The following DTWD2 variants were observed in gnomAD, a reference collection of about 807,000 sequenced individuals.
DTWD2 encodes the protein DTW motif tRNA-uridine aminocarboxypropyltransferase 2.
In DTWD2, 39 loss-of-function variants were observed where a neutral mutation model predicts 31.8. That is an observed-to-expected ratio of 1.22 (90% CI 0.95 to 1.60). DTWD2 has a LOEUF of 1.60. DTWD2 is among the 40% of genes most tolerant of loss of function. The pLI is 0.00. For missense variants in DTWD2, 515 were observed against 381.5 expected (o/e 1.35, Z -2.92); for synonymous variants, 180 against 142.8 (o/e 1.26, Z -1.86).
chr5:118,955,546 T>A (rs1049279545), intron 1 of DTWD2, among the ~76,000 whole-genome samples: 1 of 152,236 alleles, frequency 6.6e-6, no homozygotes, highest in African/African-American at 2.4e-5. Context: ...ACTGCATACC[T>A]AAGTGCCAGA....
At chr5:118,873,141 G>C (rs1196742419) in intron 4 of DTWD2, among the ~76,000 whole-genome samples, 2 of 152,208 alleles carry the variant, frequency 1.3e-5, no homozygotes, top group African/African-American at 2.4e-5. Flanking sequence ...TGGACACTGA[G>C]GTAGCAGGAA....
intron 3 of DTWD2, among the ~76,000 whole-genome samples, chr5:118,934,774 C>A (rs1754000229): frequency 6.6e-6 from 1 of 152,136 alleles, no homozygotes; most frequent in African/African-American, 2.4e-5. Flanking sequence ...CCCAATTAAA[C>A]AACAGAGATT....
chr5:118,868,989 T>C (rs1291198141), intron 4 of DTWD2, among the ~76,000 whole-genome samples: 1 of 151,974 alleles, frequency 6.6e-6, no homozygotes, highest in Non-Finnish European at 1.5e-5. Context: ...ATGAGGTAAC[T>C]AGAGGAGTCA....
At chr5:118,934,483 T>C (rs1431693807) in intron 3 of DTWD2, among the ~76,000 whole-genome samples, 2 of 151,930 alleles carry the variant, frequency 1.3e-5, no homozygotes, top group Admixed American at 6.6e-5. Flanking sequence ...TCTTATGTTA[T>C]ATATTTAATG....
chr5:118,911,008 G>C (rs1008817041), intron 4 of DTWD2, among the ~76,000 whole-genome samples: 100 of 152,208 alleles, frequency 6.6e-4, no homozygotes, highest in African/African-American at 2.2e-3. Context: ...CATCACCTTC[G>C]GGGGTTAGGT....
At chr5:118,945,989 A>G (rs1033401237) in intron 1 of DTWD2, among the ~76,000 whole-genome samples, 1 of 152,196 alleles carries the variant, frequency 6.6e-6, no homozygotes, top group African/African-American at 2.4e-5. Flanking sequence ...TTATTGTGGA[A>G]TTTTAGACTG....
chr5:118,895,806 T>C (rs568002059), intron 4 of DTWD2, among the ~76,000 whole-genome samples: 3 of 152,232 alleles, frequency 2.0e-5, no homozygotes, highest in Non-Finnish European at 4.4e-5. Flanking sequence ...AAACTGGATA[T>C]CCACATGCAG....
At chr5:118,847,014 C>A (rs1185481686) in intron 5 of DTWD2, among the ~76,000 whole-genome samples, 1 of 151,692 alleles carries the variant, frequency 6.6e-6, no homozygotes, top group African/African-American at 2.4e-5. Flanking sequence ...GTCTCCAACT[C>A]TGACATATTC....
intron 4 of DTWD2, among the ~76,000 whole-genome samples, chr5:118,903,381 C>T (rs1353789158): frequency 6.6e-6 from 1 of 152,040 alleles, no homozygotes; most frequent in East Asian, 1.9e-4. Flanking sequence ...ACCTTATTAA[C>T]TAAGAAGTAA....
At chr5:118,880,460 G>A (rs1282446078) in intron 4 of DTWD2, among the ~76,000 whole-genome samples, 1 of 151,984 alleles carries the variant, frequency 6.6e-6, no homozygotes, top group South Asian at 2.1e-4. Flanking sequence ...TAGATTCTGG[G>A]CACAACAAAA....
At chr5:118,903,198 G>GT (rs1753255346) in intron 4 of DTWD2, among the ~76,000 whole-genome samples, 1 of 148,932 alleles carries the variant, frequency 6.7e-6, no homozygotes, top group African/African-American at 2.5e-5. Context: ...TGACAATATT[G>GT]CCTACAAGGT....
intron 4 of DTWD2, among the ~76,000 whole-genome samples, chr5:118,867,842 T>C (rs1468956446): frequency 6.6e-6 from 1 of 152,174 alleles, no homozygotes; most frequent in Admixed American, 6.5e-5. Flanking sequence ...ATGTCAATAC[T>C]ACCCAAAGAA....
intron 4 of DTWD2, among the ~76,000 whole-genome samples, chr5:118,874,199 T>C (rs192418032): frequency 8.6e-5 from 13 of 151,992 alleles, no homozygotes; most frequent in African/African-American, 3.1e-4. Context: ...AGAAAACCCA[T>C]CCAAGGGTGA....
intron 4 of DTWD2, among the ~76,000 whole-genome samples, chr5:118,868,346 G>A (rs530441804): frequency 6.6e-6 from 1 of 152,088 alleles, no homozygotes; most frequent in South Asian, 2.1e-4. Flanking sequence ...TTACAACATT[G>A]GACTTGGGAT....
intron 4 of DTWD2, among the ~76,000 whole-genome samples, chr5:118,889,679 G>C (rs1013292060): frequency 6.6e-6 from 1 of 152,182 alleles, no homozygotes; most frequent in Admixed American, 6.5e-5. Context: ...CTCATCTTCT[G>C]ATTTTTCCGC....
At chr5:118,935,229 C>T (rs540673437) in intron 3 of DTWD2, among the ~76,000 whole-genome samples, 1 of 152,322 alleles carries the variant, frequency 6.6e-6, no homozygotes, top group South Asian at 2.1e-4. Flanking sequence ...CCTTGCATTA[C>T]GTATCTCACC....
chr5:118,968,033 G>A (rs1441848490), intron 1 of DTWD2, among the ~76,000 whole-genome samples: 1 of 152,066 alleles, frequency 6.6e-6, no homozygotes, highest in African/African-American at 2.4e-5. Flanking sequence ...ATGTACCTCT[G>A]ATATATTTGC....
intron 4 of DTWD2, among the ~76,000 whole-genome samples, chr5:118,860,077 C>T (rs1006427899): frequency 2.0e-5 from 3 of 151,944 alleles, no homozygotes; most frequent in African/African-American, 7.2e-5. Context: ...ATGATCATTC[C>T]ACTGTACTCC....
intron 4 of DTWD2, among the ~76,000 whole-genome samples, chr5:118,848,848 T>C (rs1299927640): frequency 1.3e-5 from 2 of 152,164 alleles, no homozygotes; most frequent in African/African-American, 4.8e-5. Context: ...ACTGGACCCC[T>C]TCCTTAAACC....
Sources: allele counts gnomAD v4.1 joint callset (sites outside exome capture counted in the v4.1 genomes callset), GRCh38; gene constraint gnomAD v4.1.1; transcripts MANE v1.5; gene names NCBI Gene and HGNC (gene_info 2026-07-23, HGNC 2026-07-21).